NRXN3: variants seen among roughly 807,000 people sequenced by gnomAD.
NRXN3 encodes the protein neurexin III.
NRXN3 carries 32 observed loss-of-function variants against 137.6 expected under a neutral mutation model. That is an observed-to-expected ratio of 0.23 (90% CI 0.18 to 0.31). The LOEUF (loss-of-function observed/expected upper bound fraction) is 0.31, where lower values mean the gene tolerates loss of function less well. NRXN3 is among the 10% of genes least tolerant of loss of function. The probability of loss-of-function intolerance (pLI) is 1.00; values close to 1 mark genes in which losing one functional copy is unlikely to be tolerated. For synonymous variants in NRXN3, 798 were observed against 784.5 expected (o/e 1.02, Z -0.29); for missense variants, 1,574 against 2,062.5 (o/e 0.76, Z 4.59).
At chr14:79,542,228 C>A (rs2097280186) in intron 16 of NRXN3, among the ~76,000 whole-genome samples, 1 of 152,156 alleles carries the variant, frequency 6.6e-6, no homozygotes, top group Admixed American at 6.5e-5. Context: ...CAAGATCTAG[C>A]CATGAGTGCC....
rs139561390 is a variant in NRXN3, at chr14:78,767,156, G to T, written c.2045-36464G>T. Among the ~76,000 whole-genome samples the T allele has an allele frequency of 7.1e-4, 108 of 152,224 alleles. 1 individual carries two copies. Among genetic ancestry groups the T allele is most frequent in the Non-Finnish European group, 1.1e-3 (77 of 68,014 alleles). ...GCACAGGGTTGTGATCTCATCTGAG[G>T]CTTGGGATCTTGTTCCAAGCTCACA... On this transcript the variant is annotated intron_variant, in intron 8 of 20. Transcript: ENST00000335750.
intron 16 of NRXN3, among the ~76,000 whole-genome samples, chr14:79,485,715 C>A (rs1387424123): frequency 6.6e-6 from 1 of 152,080 alleles, no homozygotes; most frequent in African/African-American, 2.4e-5. Context: ...AGAGTGAAAT[C>A]AAGGGAGAGG....
chr14:78,265,356 C>T (rs1485143318), intron 2 of NRXN3, among the ~76,000 whole-genome samples: 2 of 152,050 alleles, frequency 1.3e-5, no homozygotes, highest in African/African-American at 4.8e-5. Flanking sequence ...ATCCTGGTGC[C>T]TGCTAGAGTT....
chr14:78,714,891 G>C lies in NRXN3; in HGVS notation c.1796G>C (p.Trp599Ser). 1.2e-6 allele frequency: 2 copies of C among 1,614,160 alleles called. No individual in the cohort carries two copies. Among genetic ancestry groups the C allele is most frequent in the Non-Finnish European group, 1.7e-6 (2 of 1,180,024 alleles). ...RAGLILPTELWTAMLNYGYVG... is the reference protein window; with the variant it reads ...RAGLILPTELSTAMLNYGYVG... ...GGCCTTATTCTCCCCACCGAGCTGT[G>C]GACTGCCATGCTCAACTATGGCTAC... The change falls in exon 8 of 21, where the codon TGG becomes TCG. Residue 599 changes from tryptophan (W) to serine (S), a missense_variant. Physicochemically the swap from Trp to Ser is radical, Grantham distance 177. This residue lies in a region of NRXN3 where 718 missense variants were observed against 887.6 expected (regional missense o/e 0.81). Transcript: ENST00000335750.
intron 16 of NRXN3, among the ~76,000 whole-genome samples, chr14:79,557,905 A>G (rs2097447169): frequency 1.3e-5 from 2 of 152,148 alleles, no homozygotes; most frequent in Non-Finnish European, 1.5e-5. Flanking sequence ...ATTGGAGTCC[A>G]TCCTCTCAAA....
chr14:79,612,181 G>T (rs2098111750), intron 16 of NRXN3, among the ~76,000 whole-genome samples: 1 of 152,018 alleles, frequency 6.6e-6, no homozygotes. Flanking sequence ...CCCCTTCTTT[G>T]CACACTTTGT....
intron 14 of NRXN3, among the ~76,000 whole-genome samples, chr14:78,976,271 C>T (rs1177499774): frequency 6.6e-6 from 1 of 152,120 alleles, no homozygotes; most frequent in Non-Finnish European, 1.5e-5. Context: ...TATAACTTCT[C>T]TTAGCAGGTT....
intron 15 of NRXN3, among the ~76,000 whole-genome samples, chr14:79,163,937 A>G (rs2061046248): frequency 6.6e-6 from 1 of 151,930 alleles, no homozygotes; most frequent in Admixed American, 6.6e-5. Flanking sequence ...TTTTTGTGTG[A>G]TTCCTTTAAA....
At chr14:79,070,237 C>G (rs1489000765) in intron 15 of NRXN3, among the ~76,000 whole-genome samples, 1 of 152,178 alleles carries the variant, frequency 6.6e-6, no homozygotes, top group Non-Finnish European at 1.5e-5. Flanking sequence ...AAACACAACT[C>G]TATGTGATTC....
intron 10 of NRXN3, among the ~76,000 whole-genome samples, chr14:78,886,783 T>A (rs2099145037): frequency 6.6e-6 from 1 of 152,156 alleles, no homozygotes; most frequent in Admixed American, 6.5e-5. Context: ...CCTTTGGGTT[T>A]AATCTGTGCT....
At chr14:79,569,287 T>C (rs2097576140) in intron 16 of NRXN3, among the ~76,000 whole-genome samples, 1 of 152,106 alleles carries the variant, frequency 6.6e-6, no homozygotes, top group African/African-American at 2.4e-5. Flanking sequence ...AGTGTCTTTG[T>C]GGCTTAGGAG....
At chr14:78,392,550 A>T (rs997218142) in intron 4 of NRXN3, among the ~76,000 whole-genome samples, 3 of 152,160 alleles carry the variant, frequency 2.0e-5, no homozygotes, top group African/African-American at 7.2e-5. Flanking sequence ...GTCCTGGCTG[A>T]TTCTTTGGTT....
At chr14:78,988,592 T>C (rs1367067050) in intron 15 of NRXN3, among the ~76,000 whole-genome samples, 1 of 152,330 alleles carries the variant, frequency 6.6e-6, no homozygotes, top group South Asian at 2.1e-4. Flanking sequence ...GTTTGAGTTC[T>C]CTGAATTTCT....
intron 15 of NRXN3, among the ~76,000 whole-genome samples, chr14:79,377,338 G>A: frequency 6.6e-6 from 1 of 152,188 alleles, no homozygotes; most frequent in Non-Finnish European, 1.5e-5. Flanking sequence ...AATGATTGGA[G>A]CCTCTGAAAC....
chr14:78,537,220 C>T (rs2096544721), intron 4 of NRXN3, among the ~76,000 whole-genome samples: 2 of 152,332 alleles, frequency 1.3e-5, no homozygotes, highest in Admixed American at 6.5e-5. Context: ...TACACTCCCA[C>T]CAACAGTGTA....
At chr14:79,654,341 A>G (rs755814820) in intron 16 of NRXN3, among the ~76,000 whole-genome samples, 10 of 151,970 alleles carry the variant, frequency 6.6e-5, no homozygotes, top group Non-Finnish European at 8.8e-5. Context: ...AAAAAAAAAA[A>G]CTTAAAAAAA....
chr14:79,844,750 G>A (rs2099363529), intron 20 of NRXN3, among the ~76,000 whole-genome samples: 1 of 152,094 alleles, frequency 6.6e-6, no homozygotes, highest in African/African-American at 2.4e-5. Flanking sequence ...AAGAACCCTA[G>A]GAATTTTGAA....
At chr14:78,913,776 A>G (rs2099247530) in intron 10 of NRXN3, among the ~76,000 whole-genome samples, 1 of 152,120 alleles carries the variant, frequency 6.6e-6, no homozygotes, top group Admixed American at 6.6e-5. Context: ...AACAGATGAA[A>G]TCTGGACTGC....
chr14:78,361,183 A>G (rs1226695849), intron 4 of NRXN3, among the ~76,000 whole-genome samples: 1 of 152,224 alleles, frequency 6.6e-6, no homozygotes, highest in Non-Finnish European at 1.5e-5. Context: ...GTTACAAAAA[A>G]TACCAGTAGC....
Sources: gnomAD v4.1 joint callset for allele counts (sites outside exome capture counted in the v4.1 genomes callset) on GRCh38, gnomAD v4.1.1 for gene constraint, gnomAD v4.1.1 regional missense constraint, MANE v1.5 for transcripts, NCBI Gene and HGNC (gene_info 2026-07-23, HGNC 2026-07-21) for gene names.